CRIM1: variants seen among roughly 807,000 people sequenced by gnomAD.
CRIM1 encodes the protein cysteine rich transmembrane BMP regulator 1, also known as cysteine-rich motor neuron 1 protein.
Under a neutral mutation model 116.4 loss-of-function variants are expected in CRIM1, and 32 were observed. The ratio of observed to expected loss-of-function variants is 0.27; its 90% CI spans 0.21 to 0.37. The LOEUF is 0.37. Among genes scored for constraint, CRIM1 ranks in the 10% least tolerant of loss-of-function variants. CRIM1 has a pLI of 1.00. For missense variants in CRIM1, 1,331 were observed against 1,354.8 expected, an observed-to-expected ratio of 0.98 and a Z score of 0.28; for synonymous variants, 590 against 509.2, an observed-to-expected ratio of 1.16 and a Z score of -2.13.
chr2:36,470,035 G>C (rs541926940), intron 5 of CRIM1, among the ~76,000 whole-genome samples: 3 of 152,274 alleles, frequency 2.0e-5, no homozygotes, highest in Admixed American at 6.5e-5. Flanking sequence ...TTAATTATGA[G>C]AGTATAGTTA....
intron 15 of CRIM1, among the ~76,000 whole-genome samples, chr2:36,545,367 TC>T (rs1288812891): frequency 6.6e-6 from 1 of 152,172 alleles, no homozygotes; most frequent in African/African-American, 2.4e-5. Flanking sequence ...ATGCTTACAT[TC>T]ATTCAGTCAG....
In CRIM1 at chr2:36,481,578, A is replaced by G. The variant is rs569629031; in HGVS notation, c.1372+1884A>G. Among the ~76,000 whole-genome samples, 11 of 152,334 alleles carry G rather than the reference A, an allele frequency of 7.2e-5. No homozygotes were observed. In the South Asian group the frequency reaches 2.3e-3, roughly 32 times the overall value. Reference sequence around the variant, plus strand: ...TTTTGAATTAAACCAGAAGAAAGGGAATGTCCCCGTTGAGGTATGGTGGGG... The same window carrying G: ...TTTTGAATTAAACCAGAAGAAAGGGGATGTCCCCGTTGAGGTATGGTGGGG... On this transcript the variant is annotated intron_variant, in intron 7 of 16. Transcript: ENST00000280527.
chr2:36,448,756 T>C (rs1676453228), intron 4 of CRIM1, among the ~76,000 whole-genome samples: 1 of 152,230 alleles, frequency 6.6e-6, no homozygotes, highest in African/African-American at 2.4e-5. Flanking sequence ...TTCTTAAAAG[T>C]TATTGAGAAA....
chr2:36,522,389 C>A, intron 13 of CRIM1, 76 bp downstream of exon 13: 1 of 1,181,058 alleles, frequency 8.5e-7, no homozygotes, highest in South Asian at 1.2e-5. Flanking sequence ...TTTGCTAGAT[C>A]AATTAATATT....
intron 7 of CRIM1, among the ~76,000 whole-genome samples, chr2:36,491,229 C>T (rs902455187): frequency 1.3e-5 from 2 of 152,112 alleles, no homozygotes; most frequent in African/African-American, 4.8e-5. Flanking sequence ...ACTTTTCTGC[C>T]TTCTTAAGCC....
intron 14 of CRIM1, among the ~76,000 whole-genome samples, chr2:36,541,701 T>G (rs917880565): frequency 6.6e-6 from 1 of 152,214 alleles, no homozygotes; most frequent in African/African-American, 2.4e-5. Flanking sequence ...AGGTCAAGTA[T>G]GAGCACAGGA....
intron 13 of CRIM1, among the ~76,000 whole-genome samples, chr2:36,528,718 T>G (rs1457702921): frequency 6.6e-6 from 1 of 152,106 alleles, no homozygotes; most frequent in Non-Finnish European, 1.5e-5. Context: ...ATGAGAGGTG[T>G]GATTTGAAAG....
chr2:36,460,740 A>G (rs1282578203), intron 4 of CRIM1, among the ~76,000 whole-genome samples: 1 of 152,202 alleles, frequency 6.6e-6, no homozygotes, highest in East Asian at 1.9e-4. Context: ...CTTCCACTTA[A>G]GAAACATTTA....
At chr2:36,543,378 ACT>A (rs948782534) in intron 14 of CRIM1, among the ~76,000 whole-genome samples, 2 of 152,134 alleles carry the variant, frequency 1.3e-5, no homozygotes, top group Non-Finnish European at 2.9e-5. Flanking sequence ...GAAAACAATC[ACT>A]CTGAGCAGAG....
At chr2:36,472,583 A>G (rs542612947) in intron 5 of CRIM1, among the ~76,000 whole-genome samples, 1 of 152,232 alleles carries the variant, frequency 6.6e-6, no homozygotes, top group African/African-American at 2.4e-5. Context: ...AAACAAGTCC[A>G]CTTGAAGCAG....
intron 2 of CRIM1, among the ~76,000 whole-genome samples, chr2:36,404,532 A>G (rs1672646330): frequency 6.6e-6 from 1 of 152,310 alleles, no homozygotes; most frequent in South Asian, 2.1e-4. Flanking sequence ...TCATTCATGC[A>G]TTTATTCATG....
At chr2:36,427,588 A>C (rs555343963) in intron 2 of CRIM1, among the ~76,000 whole-genome samples, 140 of 152,350 alleles carry the variant, frequency 9.2e-4, no homozygotes, top group Middle Eastern at 3.4e-3. Context: ...CACCCTGTCT[A>C]GTCTTACCAG....
intron 4 of CRIM1, among the ~76,000 whole-genome samples, chr2:36,452,188 C>A (rs1400051402): frequency 6.6e-6 from 1 of 151,520 alleles, no homozygotes; most frequent in Non-Finnish European, 1.5e-5. Context: ...TGTTGTCGTT[C>A]CCTTTAATTT....
At chr2:36,538,356 G>A (rs771968495) in intron 14 of CRIM1, among the ~76,000 whole-genome samples, 22 of 152,062 alleles carry the variant, frequency 1.4e-4, no homozygotes, top group Admixed American at 1.2e-3. Flanking sequence ...CAGATTTCCC[G>A]GTGGTATAGA....
intron 2 of CRIM1, among the ~76,000 whole-genome samples, chr2:36,414,866 T>C (rs867297899): frequency 4.6e-5 from 7 of 152,224 alleles, no homozygotes; most frequent in Admixed American, 2.0e-4. Flanking sequence ...GTAAGGAGTT[T>C]GGATTTTATT....
chr2:36,391,998 A>G (rs948067955), intron 1 of CRIM1, among the ~76,000 whole-genome samples: 2 of 152,204 alleles, frequency 1.3e-5, no homozygotes, highest in African/African-American at 2.4e-5. Flanking sequence ...AGTTTATTAC[A>G]TTTCAGCCCT....
intron 13 of CRIM1, chr2:36,529,373 T>C (rs139460051): frequency 4.4e-6 from 1 of 225,572 alleles, no homozygotes; most frequent in Non-Finnish European, 9.4e-6. Context: ...CAAGATGGTA[T>C]ACCCCGACTT....
rs1038105902 is a variant in CRIM1, at chr2:36,517,382, TGGA to T, written c.2051_2053del (p.Gly684del). 1.9e-6 allele frequency: 3 copies of T among 1,614,098 alleles called. No homozygotes were observed. The African/African-American group carries it at 4.0e-5, about 22-fold the overall frequency. On this transcript the variant is annotated inframe_deletion, in exon 12 of 17. Transcript: ENST00000280527. ...GTACTCCCTCCATTTGCCACGCCCCTGGAGGAGAATACTTTGTGGAAGGAGAAA... is the reference window on the plus strand; with the variant it reads ...GTACTCCCTCCATTTGCCACGCCCCTGGAGAATACTTTGTGGAAGGAGAAA...
chr2:36,449,903 A>G (rs1285433372), intron 4 of CRIM1, among the ~76,000 whole-genome samples: 1 of 152,108 alleles, frequency 6.6e-6, no homozygotes, highest in Non-Finnish European at 1.5e-5. Flanking sequence ...CCTTAGAAAC[A>G]GCAAAATGAA....
Sources: gnomAD v4.1 joint callset for allele counts (sites outside exome capture counted in the v4.1 genomes callset) on GRCh38, gnomAD v4.1.1 for gene constraint, MANE v1.5 for transcripts, NCBI Gene and HGNC (gene_info 2026-07-23, HGNC 2026-07-21) for gene names.